The following ZBTB16 variants were observed in gnomAD, a reference collection of about 807,000 sequenced individuals.
The protein encoded by ZBTB16 is zinc finger and BTB domain-containing protein 16.
In ZBTB16, 8 loss-of-function variants were observed where a neutral mutation model predicts 56.8. That is an observed-to-expected ratio of 0.14 (90% CI 0.08 to 0.25). The LOEUF (loss-of-function observed/expected upper bound fraction) is 0.25, where lower values mean the gene tolerates loss of function less well. ZBTB16 is among the 10% of genes least tolerant of loss of function. The probability of loss-of-function intolerance (pLI) is 1.00; values close to 1 mark genes in which losing one functional copy is unlikely to be tolerated. For missense variants in ZBTB16, 625 were observed against 903.0 expected (o/e 0.69, Z 3.95); for synonymous variants, 363 against 368.5 (o/e 0.98, Z 0.17).
intron 4 of ZBTB16, among the ~76,000 whole-genome samples, chr11:114,214,057 G>GA (rs1565689727): frequency 1.3e-5 from 2 of 152,220 alleles, no homozygotes; most frequent in African/African-American, 2.4e-5. Context: ...ATCAGCCAGA[G>GA]ACCAGCAAAA....
intron 4 of ZBTB16, among the ~76,000 whole-genome samples, chr11:114,230,596 C>A (rs1944419946): frequency 8.4e-6 from 1 of 119,138 alleles, no homozygotes; most frequent in Non-Finnish European, 1.6e-5. Flanking sequence ...CAGTAAAAAG[C>A]ATTTAAATGC....
intron 2 of ZBTB16, among the ~76,000 whole-genome samples, chr11:114,081,920 G>T (rs1416904416): frequency 6.6e-6 from 1 of 152,110 alleles, no homozygotes; most frequent in East Asian, 1.9e-4. Context: ...AAATGAGTTT[G>T]AAGTTGAGCA....
At chr11:114,162,550 C>T (rs1378780584) in intron 3 of ZBTB16, among the ~76,000 whole-genome samples, 2 of 152,176 alleles carry the variant, frequency 1.3e-5, no homozygotes, top group Admixed American at 6.5e-5. Context: ...TGGGGCTGCC[C>T]AGGCTTGTGA....
At chr11:114,209,461 C>T in intron 4 of ZBTB16, 1 of 985,340 alleles carries the variant, frequency 1.0e-6, no homozygotes, top group African/African-American at 1.7e-5. Flanking sequence ...CCTTCACATT[C>T]CGGAGATCCC....
rs566207293 is a variant in ZBTB16, at chr11:114,160,278, G to T, written c.1366+3844G>T. On this transcript the variant is annotated intron_variant, in intron 3 of 6. Transcript: ENST00000335953. ...TTAATTTTTTTTTTCTAATCTGGTT[G>T]GGGTGGGGTGAAGGAGGAGGCAAGA... 1.3e-3 allele frequency among the ~76,000 whole-genome samples: 198 copies of T among 152,234 alleles called. 4 individuals are homozygous for T. Among genetic ancestry groups the T allele is most frequent in the South Asian group, 3.9e-3 (19 of 4,822 alleles).
rs912729020 is a variant in ZBTB16, at chr11:114,252,128, G to A, written c.*1573G>A. Among the ~76,000 whole-genome samples, 10 of 152,130 alleles carry A rather than the reference G, an allele frequency of 6.6e-5. No individual in the cohort carries two copies. Among genetic ancestry groups the A allele is most frequent in the African/African-American group, 2.2e-4 (9 of 41,428 alleles). ...GGGCGAAGAGCGTGGGTGGGGAGGG[G>A]ATGTTGCTTTGGGGTCTCATGGTCC... is the stretch of plus-strand genomic sequence containing the variant. On this transcript the variant is annotated 3_prime_UTR_variant, in exon 7 of 7. Coordinates refer to ENST00000335953, the MANE Select transcript of ZBTB16 (RefSeq NM_006006.6).
intron 2 of ZBTB16, among the ~76,000 whole-genome samples, chr11:114,087,229 A>C (rs1448938273): frequency 6.6e-6 from 1 of 152,106 alleles, no homozygotes; most frequent in Non-Finnish European, 1.5e-5. Context: ...GAAGAAGATG[A>C]CCTTACCAGT....
chr11:114,184,180 C>T (rs1215052491), intron 3 of ZBTB16, among the ~76,000 whole-genome samples: 2 of 152,352 alleles, frequency 1.3e-5, no homozygotes, highest in South Asian at 2.1e-4. Flanking sequence ...ATATCCTGCT[C>T]ATCAGTAGAA....
At chr11:114,195,593 G>A (rs1000021442) in intron 4 of ZBTB16, among the ~76,000 whole-genome samples, 8 of 152,210 alleles carry the variant, frequency 5.3e-5, no homozygotes, top group African/African-American at 1.4e-4. Flanking sequence ...ACCCCATGAA[G>A]CCTAAAGTCA....
intron 3 of ZBTB16, 103 bp from the exon 4 acceptor site, chr11:114,186,849 C>G: frequency 8.8e-7 from 1 of 1,135,478 alleles, no homozygotes; most frequent in Non-Finnish European, 1.3e-6. Flanking sequence ...TTGCGGGTGT[C>G]CAGTCCCCTT....
rs377664203 is a variant in ZBTB16, at chr11:114,166,103, C to T, written c.1366+9669C>T. On this transcript the variant is annotated intron_variant, in intron 3 of 6. Transcript: ENST00000335953. ...TCAGTGAAATGGCATGGCATTCACTCCTCTCCCAGGTGTTCAACTGCCTAG... is the reference window on the plus strand; with the variant it reads ...TCAGTGAAATGGCATGGCATTCACTTCTCTCCCAGGTGTTCAACTGCCTAG... Among the ~76,000 whole-genome samples, 48 of 152,202 alleles carry T rather than the reference C, an allele frequency of 3.2e-4. No homozygotes were observed. The South Asian group carries it at 9.9e-3, about 32-fold the overall frequency.
At chr11:114,090,974 C>T (rs1269772274) in intron 2 of ZBTB16, among the ~76,000 whole-genome samples, 1 of 152,186 alleles carries the variant, frequency 6.6e-6, no homozygotes, top group Non-Finnish European at 1.5e-5. Flanking sequence ...TAAGGTGGGG[C>T]TAGTGCAAAT....
At chr11:114,122,804 G>A (rs1259413178) in intron 2 of ZBTB16, among the ~76,000 whole-genome samples, 1 of 152,186 alleles carries the variant, frequency 6.6e-6, no homozygotes, top group Non-Finnish European at 1.5e-5. Context: ...GACACAGTCT[G>A]TCTGATGCAG....
At chr11:114,233,083 A>T (rs1178217) in intron 4 of ZBTB16, among the ~76,000 whole-genome samples, 1 of 91,954 alleles carries the variant, frequency 1.1e-5, no homozygotes, top group South Asian at 4.5e-4. Flanking sequence ...GCGCGCGCGC[A>T]CACACACACA....
intron 2 of ZBTB16, among the ~76,000 whole-genome samples, chr11:114,077,133 G>A (rs1360433935): frequency 6.6e-6 from 1 of 152,170 alleles, no homozygotes; most frequent in Non-Finnish European, 1.5e-5. Context: ...TCTGGTAAGT[G>A]CTTACTTCCT....
At chr11:114,230,495 C>T (rs1344850351) in intron 4 of ZBTB16, among the ~76,000 whole-genome samples, 2 of 151,988 alleles carry the variant, frequency 1.3e-5, no homozygotes, top group Non-Finnish European at 2.9e-5. Flanking sequence ...ACGGGAAGGC[C>T]GCATGGTGTC....
At chr11:114,201,507 C>T (rs1430227928) in intron 4 of ZBTB16, among the ~76,000 whole-genome samples, 2 of 152,204 alleles carry the variant, frequency 1.3e-5, no homozygotes, top group Non-Finnish European at 2.9e-5. Flanking sequence ...GCGTTTCATC[C>T]CCGACTTTGG....
intron 2 of ZBTB16, among the ~76,000 whole-genome samples, chr11:114,074,265 A>G (rs1342309418): frequency 6.6e-6 from 1 of 152,158 alleles, no homozygotes; most frequent in East Asian, 1.9e-4. Flanking sequence ...TGTGATCTTA[A>G]TGCCATTAGG....
intron 2 of ZBTB16, among the ~76,000 whole-genome samples, chr11:114,085,002 G>A (rs1939908651): frequency 6.6e-6 from 1 of 152,212 alleles, no homozygotes; most frequent in Non-Finnish European, 1.5e-5. Flanking sequence ...CTGTGATGAT[G>A]CTGTTCTGAA....
Sources: allele counts gnomAD v4.1 joint callset (sites outside exome capture counted in the v4.1 genomes callset), GRCh38; gene constraint gnomAD v4.1.1; transcripts MANE v1.5; gene names NCBI Gene and HGNC (gene_info 2026-07-23, HGNC 2026-07-21).